SLC2A9: variants seen among roughly 807,000 people sequenced by gnomAD.
SLC2A9 encodes solute carrier family 2 member 9.
Under a neutral mutation model 50.6 loss-of-function variants are expected in SLC2A9, and 39 were observed. The observed-to-expected ratio is 0.77, with a 90% confidence interval of 0.60 to 1.01. The LOEUF is 1.01. SLC2A9 is among the 50% of genes least tolerant of loss of function. SLC2A9 has a pLI of 0.00. For synonymous variants in SLC2A9, 324 were observed against 276.9 expected (o/e 1.17, Z -1.69); for missense variants, 686 against 677.6 (o/e 1.01, Z -0.14).
chr4:9,790,864 C>T (rs1433676736), intron 3 of SLC2A9, among the ~76,000 whole-genome samples: 2 of 152,188 alleles, frequency 1.3e-5, no homozygotes, highest in Non-Finnish European at 2.9e-5. Context: ...ATTTATCTGC[C>T]TTGATCCTGC....
rs1260737370 is a variant in SLC2A9 at position 9,986,013 on chromosome 4, A to G, written c.411-220T>C. The stretch of plus-strand genomic sequence containing the variant: ...AAAGGCACCATCAGCCTTGACATCT[A>G]TGAATTCTCTGTGGTAGTATTTTAT... On this transcript the variant is annotated intron_variant, in intron 3 of 11. Coordinates refer to ENST00000264784, the MANE Select transcript of SLC2A9 (RefSeq NM_020041.3). 3.9e-5 allele frequency among the ~76,000 whole-genome samples: 6 copies of G among 152,216 alleles called. No individual in the cohort carries two copies. In the East Asian group the frequency reaches 1.2e-3, roughly 29 times the overall value.
At chr4:9,915,665 T>G (rs1043553966) in intron 7 of SLC2A9, among the ~76,000 whole-genome samples, 2 of 152,230 alleles carry the variant, frequency 1.3e-5, no homozygotes, top group Non-Finnish European at 2.9e-5. Context: ...GCAAGCTGCA[T>G]GCAGGCAGAT....
intron 6 of SLC2A9, among the ~76,000 whole-genome samples, chr4:9,938,270 A>ATTTTTT (rs35270015): frequency 8.5e-6 from 1 of 118,220 alleles, no homozygotes; most frequent in South Asian, 2.7e-4. Context: ...ATCTTTTGCT[A>ATTTTTT]TTTTTTTTTT....
chr4:9,812,443 C>A (rs1000190865), intron 3 of SLC2A9, among the ~76,000 whole-genome samples: 8 of 151,056 alleles, frequency 5.3e-5, no homozygotes, highest in Non-Finnish European at 8.8e-5. Context: ...GTTGTGAAAA[C>A]CAAAGAGGAT....
intron 1 of SLC2A9, among the ~76,000 whole-genome samples, chr4:10,033,100 AGTTTCCTCC>A (rs1161070752): frequency 2.0e-5 from 3 of 152,108 alleles, no homozygotes; most frequent in Non-Finnish European, 4.4e-5. Flanking sequence ...GGTCTAACTC[AGTTTCCTCC>A]TTTTGTCCAG....
chr4:9,840,934 G>A (rs1727976343), intron 10 of SLC2A9, among the ~76,000 whole-genome samples: 1 of 152,146 alleles, frequency 6.6e-6, no homozygotes, highest in Non-Finnish European at 1.5e-5. Flanking sequence ...AGAGAAAGCA[G>A]GGGAAACTTC....
At chr4:9,883,049 A>G (rs772656179) in intron 10 of SLC2A9, among the ~76,000 whole-genome samples, 1 of 152,144 alleles carries the variant, frequency 6.6e-6, no homozygotes, top group African/African-American at 2.4e-5. Flanking sequence ...GAAGTGATGC[A>G]TGTATGTCCT....
chr4:9,969,392 AT>A (rs1753542896), intron 5 of SLC2A9, among the ~76,000 whole-genome samples: 1 of 152,194 alleles, frequency 6.6e-6, no homozygotes, highest in Admixed American at 6.5e-5. Context: ...GTAGTTTTAA[AT>A]TTTTGTCATT....
chr4:9,840,317 C>T (rs970866847), intron 10 of SLC2A9, among the ~76,000 whole-genome samples: 1 of 152,174 alleles, frequency 6.6e-6, no homozygotes. Context: ...CCTTGGTGGC[C>T]TGATTTCCTA....
At chr4:9,992,516 G>A (rs1757888376) in intron 3 of SLC2A9, among the ~76,000 whole-genome samples, 1 of 152,204 alleles carries the variant, frequency 6.6e-6, no homozygotes. Context: ...ATTGCCCTCT[G>A]GTTGAGAACC....
chr4:9,853,422 A>G (rs1296851308), intron 10 of SLC2A9, among the ~76,000 whole-genome samples: 1 of 152,228 alleles, frequency 6.6e-6, no homozygotes, highest in Non-Finnish European at 1.5e-5. Flanking sequence ...TTACATAATG[A>G]TAAATGACTC....
chr4:9,961,789 A>C (rs2108934185), intron 5 of SLC2A9, among the ~76,000 whole-genome samples: 2 of 152,370 alleles, frequency 1.3e-5, no homozygotes, highest in South Asian at 4.1e-4. Context: ...ACAGAATGGA[A>C]GAAAATTTTT....
intron 10 of SLC2A9, among the ~76,000 whole-genome samples, chr4:9,842,184 G>C (rs1160776361): frequency 6.6e-6 from 1 of 152,188 alleles, no homozygotes; most frequent in Non-Finnish European, 1.5e-5. Flanking sequence ...GCAGGAGGAA[G>C]GTTCTGTAAC....
At chr4:9,951,629 T>TAAA (rs143487517) in intron 5 of SLC2A9, among the ~76,000 whole-genome samples, 72,209 of 151,462 alleles carry the variant, frequency 0.48, 18,454 homozygotes, top group African/African-American at 0.65. Context: ...AGTTTATTTT[T>TAAA]AAAAAAACAG....
rs757798479 is a variant in SLC2A9, at chr4:9,941,969, G to A, written c.758C>T (p.Pro253Leu). The change falls in exon 6 of 12, where the codon CCG becomes CTG. Residue 253 changes from proline to leucine, a missense_variant. Transcript: ENST00000264784. ...VVQLLSLPFL[P>L]DSPRYLLLEK... ...CAAGAGCAGGTAGCGTGGGCTGTCC[G>A]GGAGAAAGGGAAGGCTCAGCAGCTG... 55 of 1,614,064 alleles carry A rather than the reference G, an allele frequency of 3.4e-5. No individual in the cohort carries two copies. Among genetic ancestry groups the A allele is most frequent in the African/African-American group, 5.3e-5 (4 of 74,932 alleles).
downstream of SLC2A9, among the ~76,000 whole-genome samples, chr4:9,794,155 T>TTC (rs1720298766): frequency 6.6e-6 from 1 of 151,626 alleles, no homozygotes. Flanking sequence ...ATTCCTTTTT[T>TTC]TTGTGTGTGT....
At chr4:9,991,090 T>G (rs2109221101) in intron 3 of SLC2A9, among the ~76,000 whole-genome samples, 1 of 152,290 alleles carries the variant, frequency 6.6e-6, no homozygotes, top group African/African-American at 2.4e-5. Flanking sequence ...GCCCCCTTAC[T>G]TCAAGTTGGG....
Position 9,826,454 on chromosome 4 carries a change from T to C in SLC2A9, c.1566A>G (p.Pro522=). Residue 522 remains proline (P), a synonymous_variant, in exon 12 of 12, where the codon CCA becomes CCG. Coordinates refer to ENST00000264784, the MANE Select transcript of SLC2A9 (RefSeq NM_020041.3). ...CAGCTGAGTCGATTTTCTCTTCTGGTGGGTATGCTTTGTTCCTTTTGGAAA... is the reference window on the plus strand; with the variant it reads ...CAGCTGAGTCGATTTTCTCTTCTGGCGGGTATGCTTTGTTCCTTTTGGAAA... ...QAFSKRNKAY[P]PEEKIDSAVT... is the part of the protein sequence containing the mutation. 2.5e-6 allele frequency: 4 copies of C among 1,613,734 alleles called. No individual in the cohort carries two copies. Among genetic ancestry groups the C allele is most frequent in the Non-Finnish European group, 3.4e-6 (4 of 1,179,818 alleles).
chr4:9,965,506 A>C (rs1433739541), intron 5 of SLC2A9, among the ~76,000 whole-genome samples: 1 of 152,234 alleles, frequency 6.6e-6, no homozygotes, highest in Non-Finnish European at 1.5e-5. Flanking sequence ...GCAAACATGG[A>C]ATATTAACAA....
Sources: gnomAD v4.1 joint callset for allele counts (sites outside exome capture counted in the v4.1 genomes callset) on GRCh38, gnomAD v4.1.1 for gene constraint, MANE v1.5 for transcripts, NCBI Gene and HGNC (gene_info 2026-07-23, HGNC 2026-07-21) for gene names.